The following SNX7 variants were observed in gnomAD, a reference collection of about 807,000 sequenced individuals.
SNX7 encodes sorting nexin-7.
SNX7 carries 35 observed loss-of-function variants against 48.4 expected under a neutral mutation model. That is an observed-to-expected ratio of 0.72 (90% CI 0.55 to 0.96). SNX7 has a LOEUF of 0.96. SNX7 is among the 40% of genes least tolerant of loss of function. The pLI is 0.00. For missense variants in SNX7, 553 were observed against 548.9 expected (o/e 1.01, Z -0.07); for synonymous variants, 190 against 190.2 (o/e 1.00, Z 0.01).
rs956153382 is a variant in SNX7 at position 98,701,890 on chromosome 1, C to T, written c.1112C>T (p.Ala371Val). 6 of 1,608,888 alleles carry T rather than the reference C, an allele frequency of 3.7e-6. No homozygotes were observed. The highest frequency in any genetic ancestry group is 4.2e-6 in the Non-Finnish European group (5 of 1,177,232). ...GTTGAAGTTTTGACCTATAAAAAGG[C>T]AGATACTGATCTGGTAAGTTTTTAA... is the stretch of plus-strand genomic sequence containing the variant. ...SKVEVLTYKK[A>V]DTDLLPEEIG... is the part of the protein sequence containing the mutation. The change falls in exon 7 of 9, where the codon GCA becomes GTA. Residue 371 changes from alanine to valine, a missense_variant. By Grantham distance (64) the Ala-to-Val change is moderately conservative. Transcript: ENST00000306121.
In SNX7 at chr1:98,684,910, C is replaced by G; in HGVS notation, c.206C>G (p.Ser69Cys). ...SKDASLMDMN[S>C]FSPMMPTSPL... is the part of the protein sequence containing the mutation. ...GATGCCTCATTGATGGACATGAACTCCTTCAGCCCTATGATGCCAACATCC... is the reference window on the plus strand; with the variant it reads ...GATGCCTCATTGATGGACATGAACTGCTTCAGCCCTATGATGCCAACATCC... Residue 69 changes from serine (S) to cysteine (C), a missense_variant, in exon 2 of 9, where the codon TCC becomes TGC. Transcript: ENST00000306121. 6.4e-7 allele frequency: 1 copy of G among 1,555,578 alleles called. No individual in the cohort carries two copies. The highest frequency in any genetic ancestry group is 8.7e-7 in the Non-Finnish European group (1 of 1,148,534).
chr1:98,720,791 G>A (rs1040819064), intron 7 of SNX7, among the ~76,000 whole-genome samples: 10 of 152,104 alleles, frequency 6.6e-5, no homozygotes, highest in Admixed American at 6.6e-5. Context: ...TTGTTTTACA[G>A]TATGTTGCAG....
intron 2 of SNX7, among the ~76,000 whole-genome samples, chr1:98,685,932 A>G (rs994208010): frequency 1.3e-5 from 2 of 152,104 alleles, no homozygotes; most frequent in Non-Finnish European, 2.9e-5. Flanking sequence ...CTTGTATGAC[A>G]TATAAAGAGG....
chr1:98,698,953 A>G, intron 6 of SNX7, 48 bp downstream of exon 6: 1 of 1,552,740 alleles, frequency 6.4e-7, no homozygotes, highest in East Asian at 2.3e-5. Context: ...ACCTGATTAT[A>G]AGCTCCATAA....
intron 7 of SNX7, among the ~76,000 whole-genome samples, chr1:98,734,378 G>A (rs1653669941): frequency 6.6e-6 from 1 of 152,044 alleles, no homozygotes; most frequent in South Asian, 2.1e-4. Flanking sequence ...AAGCTTGAAA[G>A]CCACAGACAA....
chr1:98,670,870 T>TTTTATTTATTTATTTA (rs71075409), intron 1 of SNX7, among the ~76,000 whole-genome samples: 1,585 of 151,098 alleles, frequency 0.01, 30 homozygotes, highest in African/African-American at 0.037. Flanking sequence ...AGACAGTGAG[T>TTTTATTTATTTATTTA]TTTATTTATT....
chr1:98,674,892 C>T (rs374635020), intron 1 of SNX7, among the ~76,000 whole-genome samples: 14 of 152,292 alleles, frequency 9.2e-5, no homozygotes, highest in African/African-American at 3.1e-4. Context: ...GAACCCATCC[C>T]AGGACTTTCT....
chr1:98,757,481 T>C, intron 8 of SNX7, among the ~76,000 whole-genome samples: 1 of 152,148 alleles, frequency 6.6e-6, no homozygotes. Context: ...TTTCCTCTTC[T>C]TATAAGGACA....
At chr1:98,734,239 C>A (rs560008813) in intron 7 of SNX7, among the ~76,000 whole-genome samples, 13 of 152,146 alleles carry the variant, frequency 8.5e-5, no homozygotes, top group Admixed American at 8.5e-4. Context: ...GTAAATACCA[C>A]TTCTACGTTT....
intron 1 of SNX7, chr1:98,677,319 A>G (rs1219452018): frequency 6.6e-6 from 1 of 152,184 alleles, no homozygotes; most frequent in East Asian, 1.9e-4. Flanking sequence ...ATTGAAGGTG[A>G]CTGAGCAGAT....
intron 8 of SNX7, among the ~76,000 whole-genome samples, chr1:98,752,785 T>G (rs543075628): frequency 4.6e-4 from 70 of 152,172 alleles, no homozygotes; most frequent in African/African-American, 1.7e-3. Context: ...ATGCAGAATT[T>G]CCAAGATATA....
intron 4 of SNX7, 49 bp downstream of exon 4, chr1:98,691,748 A>C: frequency 1.4e-6 from 2 of 1,401,562 alleles, no homozygotes; most frequent in South Asian, 1.5e-5. Flanking sequence ...GTCTGTATCT[A>C]TAGTAGATTG....
At chr1:98,741,929 T>A (rs923390564) in intron 8 of SNX7, among the ~76,000 whole-genome samples, 2 of 152,164 alleles carry the variant, frequency 1.3e-5, no homozygotes, top group African/African-American at 4.8e-5. Context: ...CAATGTCCTC[T>A]TACAATTAGA....
At chr1:98,721,098 T>TG (rs112306230) in intron 7 of SNX7, among the ~76,000 whole-genome samples, 85,805 of 151,658 alleles carry the variant, frequency 0.57, 25,039 homozygotes, top group Non-Finnish European at 0.64. Flanking sequence ...CACCTCAAGT[T>TG]TGTGTTCCCA....
In SNX7 at chr1:98,698,892, G is replaced by A. The variant is rs12033678; in HGVS notation, c.1025G>A (p.Ser342Asn). 21 of 1,613,516 alleles carry A rather than the reference G, an allele frequency of 1.3e-5. 1 individual carries two copies. In the East Asian group the frequency reaches 4.2e-4, roughly 33 times the overall value. Residue 342 changes from serine (S) to asparagine (N), a missense_variant, in exon 6 of 9, where the codon AGT (serine) becomes AAT (asparagine). Coordinates refer to ENST00000306121, the MANE Select transcript of SNX7 (RefSeq NM_015976.5). ...GTTGTACATGAGTACGTGCTTTATA[G>A]TGAAATGTTAATGGTAAGAACACCT... Reference protein sequence around the residue: ...LPVVHEYVLYSEMLMGVMKRR... With the variant: ...LPVVHEYVLYNEMLMGVMKRR...
chr1:98,685,112 T>A, intron 2 of SNX7, 45 bp downstream of exon 2: 1 of 1,249,012 alleles, frequency 8.0e-7, no homozygotes, highest in Non-Finnish European at 1.1e-6. Flanking sequence ...TGCTTTTTTT[T>A]AAGCTTTGGA....
intron 2 of SNX7, among the ~76,000 whole-genome samples, chr1:98,686,824 A>G (rs957957807): frequency 6.6e-6 from 1 of 152,126 alleles, no homozygotes; most frequent in Non-Finnish European, 1.5e-5. Context: ...AATTTCTTCT[A>G]TTACTACTGT....
intron 8 of SNX7, among the ~76,000 whole-genome samples, chr1:98,752,536 G>A (rs1244096840): frequency 6.6e-6 from 1 of 151,974 alleles, no homozygotes; most frequent in Non-Finnish European, 1.5e-5. Context: ...ACATGAATGG[G>A]GATCGGGCTC....
intron 1 of SNX7, among the ~76,000 whole-genome samples, chr1:98,663,471 C>T (rs1039642618): frequency 1.3e-5 from 2 of 151,852 alleles, no homozygotes; most frequent in Admixed American, 1.3e-4. Flanking sequence ...AAATGAGGTC[C>T]TCTTGTCAGA....
Sources: gnomAD v4.1 joint callset for allele counts (sites outside exome capture counted in the v4.1 genomes callset) on GRCh38, gnomAD v4.1.1 for gene constraint, MANE v1.5 for transcripts, NCBI Gene and HGNC (gene_info 2026-07-23, HGNC 2026-07-21) for gene names.